LIN28B: variants seen among roughly 807,000 people sequenced by gnomAD.
The protein encoded by LIN28B is lin-28 RNA binding posttranscriptional regulator B, also known as protein lin-28 homolog B.
Under a neutral mutation model 21.9 loss-of-function variants are expected in LIN28B, and 5 were observed. The observed-to-expected ratio is 0.23, with a 90% CI of 0.12 to 0.48. LIN28B has a LOEUF of 0.48. Among genes scored for constraint, LIN28B ranks in the 20% least tolerant of loss-of-function variants. The pLI, the probability that LIN28B is intolerant of heterozygous loss-of-function variation, is 0.98. For missense variants in LIN28B, 245 were observed against 310.5 expected (o/e 0.79, Z 1.58); for synonymous variants, 109 against 111.3 (o/e 0.98, Z 0.13).
chr6:104,982,978 A>ATT (rs577764917), intron 2 of LIN28B, among the ~76,000 whole-genome samples: 7 of 149,736 alleles, frequency 4.7e-5, no homozygotes, highest in Non-Finnish European at 1.0e-4. Context: ...TTTTTCTTTT[A>ATT]TTTTTTTTTG....
chr6:104,967,913 G>A (rs1769897027), intron 2 of LIN28B, among the ~76,000 whole-genome samples: 1 of 152,042 alleles, frequency 6.6e-6, no homozygotes, highest in African/African-American at 2.4e-5. Flanking sequence ...TGACCAGGCT[G>A]GTTTAGAACT....
chr6:104,995,945 T>C (rs1770590375), intron 2 of LIN28B, among the ~76,000 whole-genome samples: 1 of 150,020 alleles, frequency 6.7e-6, no homozygotes, highest in Admixed American at 6.7e-5. Flanking sequence ...TATTTAAAAA[T>C]TATTTTAAAA....
intron 2 of LIN28B, among the ~76,000 whole-genome samples, chr6:104,992,510 G>A (rs1770510884): frequency 8.8e-6 from 1 of 113,730 alleles, no homozygotes; most frequent in South Asian, 3.2e-4. Flanking sequence ...GTGTGTGTGT[G>A]TGTGTTTTTT....
chr6:105,016,205 A>G (rs1562093684), intron 2 of LIN28B, among the ~76,000 whole-genome samples: 1 of 152,200 alleles, frequency 6.6e-6, no homozygotes, highest in South Asian at 2.1e-4. Context: ...GTCAGCTAAG[A>G]AGTTTTGTAG....
rs375828089 is a variant in LIN28B, at chr6:104,964,964, T to C, written c.198+6678T>C. Among the ~76,000 whole-genome samples, 554 of 152,296 alleles carry C rather than the reference T, an allele frequency of 3.6e-3. 1 individual carries two copies. Among genetic ancestry groups the C allele is most frequent in the Non-Finnish European group, 6.7e-3 (458 of 68,016 alleles). ...CTGGAGTAATACCTAACTTTTAAAG[T>C]TGTTTTGAAGAGTAGAGGTAATGTT... On this transcript the variant is annotated intron_variant, in intron 2 of 3. Transcript: ENST00000345080.
intron 2 of LIN28B, among the ~76,000 whole-genome samples, chr6:105,013,940 G>A (rs1770973776): frequency 6.6e-6 from 1 of 152,002 alleles, no homozygotes; most frequent in Non-Finnish European, 1.5e-5. Flanking sequence ...GATAATTTGT[G>A]TTCTTTATTT....
chr6:105,014,973 T>G (rs1770999666), intron 2 of LIN28B, among the ~76,000 whole-genome samples: 1 of 152,040 alleles, frequency 6.6e-6, no homozygotes, highest in African/African-American at 2.4e-5. Context: ...TCTTTTTATT[T>G]ATCATTATGG....
chr6:105,069,270 G>A (rs1037676979), intron 3 of LIN28B, among the ~76,000 whole-genome samples: 2 of 151,450 alleles, frequency 1.3e-5, no homozygotes, highest in African/African-American at 2.4e-5. Flanking sequence ...GGAGAGAAAC[G>A]TTTGCAAGAG....
rs1771560210 is a variant in LIN28B at position 105,038,048 on chromosome 6, G to A, written c.383+11566G>A. ...AATATTCCTGTGATCTTAGGTTTGG[G>A]AAAGATCTTTTTAAAAGAAGGTACA... On this transcript the variant is annotated intron_variant, in intron 3 of 3. Transcript: ENST00000345080. Among the ~76,000 whole-genome samples, 7 of 152,158 alleles carry A rather than the reference G, an allele frequency of 4.6e-5. No individual in the cohort carries two copies. In the South Asian group the frequency reaches 1.5e-3, roughly 32 times the overall value.
At chr6:105,051,118 G>A (rs1461378710) in intron 3 of LIN28B, among the ~76,000 whole-genome samples, 1 of 150,888 alleles carries the variant, frequency 6.6e-6, no homozygotes, top group Non-Finnish European at 1.5e-5. Context: ...ATATCTAAAA[G>A]AAAAAAATGT....
At chr6:105,073,789 T>C (rs1772375708) in intron 3 of LIN28B, among the ~76,000 whole-genome samples, 1 of 152,226 alleles carries the variant, frequency 6.6e-6, no homozygotes, top group African/African-American at 2.4e-5. Flanking sequence ...AATATATAAC[T>C]GATGAATATT....
chr6:105,060,819 C>G (rs1414297026), intron 3 of LIN28B, among the ~76,000 whole-genome samples: 1 of 152,042 alleles, frequency 6.6e-6, no homozygotes, highest in Non-Finnish European at 1.5e-5. Flanking sequence ...TCAAAATGAC[C>G]TTGAAGAGAT....
chr6:105,018,331 A>G (rs892577276), intron 2 of LIN28B, among the ~76,000 whole-genome samples: 1 of 152,110 alleles, frequency 6.6e-6, no homozygotes, highest in Non-Finnish European at 1.5e-5. Context: ...TCTAGCTTGC[A>G]TTTTACAACC....
chr6:105,071,044 G>A (rs1772323806), intron 3 of LIN28B, among the ~76,000 whole-genome samples: 1 of 152,038 alleles, frequency 6.6e-6, no homozygotes, highest in African/African-American at 2.4e-5. Context: ...GCCTGGCTAA[G>A]TTTTGTGTTT....
In LIN28B at chr6:105,024,585, A is replaced by AT. The variant is rs371250485; in HGVS notation, c.199-1707dup. 3.1e-3 allele frequency among the ~76,000 whole-genome samples: 471 copies of AT among 152,188 alleles called. 6 individuals are homozygous for AT. The highest frequency in any genetic ancestry group is 0.011 in the African/African-American group (450 of 41,522). ...ATTTTAAAGAATGTAGGCAGTTGTG[A>AT]TTTTTTCCCCCAACATTTCATCAGA... On this transcript the variant is annotated intron_variant, in intron 2 of 3. Coordinates refer to ENST00000345080, the MANE Select transcript of LIN28B (RefSeq NM_001004317.4).
chr6:105,071,505 A>G (rs1371610907), intron 3 of LIN28B, among the ~76,000 whole-genome samples: 2 of 152,158 alleles, frequency 1.3e-5, no homozygotes, highest in African/African-American at 2.4e-5. Flanking sequence ...ACTTTTTACC[A>G]GTATGGACAA....
In LIN28B at chr6:105,043,341, C is replaced by CAAAAAA. The variant is rs57532096; in HGVS notation, c.383+16885_383+16890dup. Among the ~76,000 whole-genome samples the CAAAAAA allele has an allele frequency of 5.7e-4, 43 of 75,392 alleles. 1 individual carries two copies. Among genetic ancestry groups the CAAAAAA allele is most frequent in the African/African-American group, 9.4e-4 (13 of 13,890 alleles). The allele number at this position is 75,392 out of a possible 152,430, so 49.5% of individuals were successfully genotyped here. A position where few individuals can be genotyped will look rare whatever the true frequency, so the allele number is the denominator to read the frequency against. On this transcript the variant is annotated intron_variant, in intron 3 of 3. Coordinates refer to ENST00000345080, the MANE Select transcript of LIN28B (RefSeq NM_001004317.4). ...AGAGCAACAGAGTGAGACTCTGTCT[C>CAAAAAA]AAAAAAAAAAAAAAAAAAAAAAAAA...
At chr6:104,973,374 C>A (rs1322455144) in intron 2 of LIN28B, among the ~76,000 whole-genome samples, 1 of 152,066 alleles carries the variant, frequency 6.6e-6, no homozygotes, top group East Asian at 1.9e-4. Context: ...GTTCAATTTT[C>A]AGTGTAAATT....
chr6:104,991,149 C>A lies in LIN28B; in HGVS notation c.198+32863C>A, dbSNP rs982823736. 0.03 allele frequency among the ~76,000 whole-genome samples: 6 copies of A among 200 alleles called. No individual in the cohort carries two copies. The East Asian group carries it at 0.33, about 11-fold the overall frequency. 0.1% of individuals were successfully genotyped at this position (200 alleles called of 152,430 possible). ...CAGAAGGGGCGGCCGGGCAGAGGCGCCCCCCCACCTCCCGGACAGGGCGGC... is the reference window on the plus strand; with the variant it reads ...CAGAAGGGGCGGCCGGGCAGAGGCGACCCCCCACCTCCCGGACAGGGCGGC... On this transcript the variant is annotated intron_variant, in intron 2 of 3. Transcript: ENST00000345080.
Sources: gnomAD v4.1 joint callset for allele counts (sites outside exome capture counted in the v4.1 genomes callset) on GRCh38, gnomAD v4.1.1 for gene constraint, MANE v1.5 for transcripts, NCBI Gene and HGNC (gene_info 2026-07-23, HGNC 2026-07-21) for gene names.